TTLL8: variants seen among roughly 807,000 people sequenced by gnomAD.
The protein encoded by TTLL8 is tubulin tyrosine ligase like 8.
Under a neutral mutation model 77.8 loss-of-function variants are expected in TTLL8, and 65 were observed. That is an observed-to-expected ratio of 0.84 (90% CI 0.68 to 1.03). The LOEUF is 1.03. Among genes scored for constraint, TTLL8 ranks in the 50% least tolerant of loss-of-function variants. The pLI is 0.00. For synonymous variants in TTLL8, 402 were observed against 422.8 expected (o/e 0.95, Z 0.60); for missense variants, 910 against 1,004.5 (o/e 0.91, Z 1.27).
intron 10 of TTLL8, among the ~76,000 whole-genome samples, chr22:50,032,801 G>A (rs1340099285): frequency 1.3e-5 from 2 of 152,168 alleles, no homozygotes; most frequent in Non-Finnish European, 2.9e-5. Flanking sequence ...GCGGGGACCC[G>A]GGTGAGGTGG....
intron 3 of TTLL8, among the ~76,000 whole-genome samples, chr22:50,048,873 G>A (rs1569233347): frequency 6.6e-6 from 1 of 152,204 alleles, no homozygotes; most frequent in Non-Finnish European, 1.5e-5. Context: ...ATACTACTGT[G>A]TTGCTGGAGA....
chr22:50,056,127 A>T (rs2146706291), upstream of TTLL8, among the ~76,000 whole-genome samples: 1 of 152,360 alleles, frequency 6.6e-6, no homozygotes, highest in Admixed American at 6.5e-5. This position sits in a 1 kb window ranked among gnomAD's most constrained non-coding sequence, Gnocchi z 4.1. Flanking sequence ...AGTTCTGATT[A>T]TCAAAAGGAA....
exon 10 of TTLL8, chr22:50,033,399 A>G (rs1409524637): frequency 7.3e-7 from 1 of 1,365,196 alleles, no homozygotes; most frequent in Non-Finnish European, 9.8e-7. Context: ...GGTGGTCTGC[A>G]GCTGCCAGCT....
chr22:50,055,932 A>G (rs1184313945), upstream of TTLL8, among the ~76,000 whole-genome samples: 1 of 152,176 alleles, frequency 6.6e-6, no homozygotes, highest in African/African-American at 2.4e-5. Context: ...AAGTCACAGG[A>G]TGAGATAGGA....
intron 4 of TTLL8, among the ~76,000 whole-genome samples, chr22:50,046,353 G>A (rs149535814): frequency 1.2e-4 from 18 of 152,326 alleles, no homozygotes; most frequent in Non-Finnish European, 1.9e-4. Context: ...GCGGCTGCAG[G>A]GCCCGGAACG....
At chr22:50,027,596 G>C in intron 12 of TTLL8, 2 of 978,074 alleles carry the variant, frequency 2.0e-6, no homozygotes, top group Middle Eastern at 5.3e-4. Context: ...GGTGATCCCA[G>C]TCAAAGTCCC....
chr22:50,052,682 A>T (rs1051313771), intron 1 of TTLL8, among the ~76,000 whole-genome samples: 2 of 152,264 alleles, frequency 1.3e-5, no homozygotes, highest in Admixed American at 6.5e-5. Flanking sequence ...ACTAAGGTAA[A>T]GAAAACCATT....
Position 50,050,021 on chromosome 22 carries a change from A to G in TTLL8, c.190+88T>C, listed in dbSNP as rs966022671. ...ATCACGCACACCAGGGCCGAGGGGC[A>G]GGCACCACACTCAGGCCGGCGCCGA... On this transcript the variant is annotated intron_variant, in intron 2 of 13. Transcript: ENST00000266182. The G allele has an allele frequency of 1.1e-5, 14 of 1,288,488 alleles. No individual in the cohort carries two copies. In the Admixed American group the frequency reaches 1.7e-4, roughly 15 times the overall value. The allele number at this position is 1,288,488 out of a possible 1,614,324, so 79.8% of individuals were successfully genotyped here.
chr22:50,055,206 T>A (rs2146704732), upstream of TTLL8: 6 of 1,283,620 alleles, frequency 4.7e-6, no homozygotes, highest in Non-Finnish European at 6.1e-6. Context: ...AGTGTCCCCC[T>A]CCCCACCGAG....
intron 6 of TTLL8, 154 bp downstream of exon 8, chr22:50,045,101 G>T: frequency 1.4e-6 from 1 of 708,158 alleles, no homozygotes; most frequent in Non-Finnish European, 1.7e-6. Flanking sequence ...CAGAAAACCC[G>T]TCTGCCATGA....
At chr22:50,055,040 A>G, upstream of TTLL8, 1 of 696,944 alleles carries the variant, frequency 1.4e-6, no homozygotes, top group Non-Finnish European at 1.8e-6. Flanking sequence ...AGCCTGGGCA[A>G]CAAAGCAAGA....
Position 50,041,841 on chromosome 22 carries a change from C to T in TTLL8, c.644-34G>A. 7.5e-7 allele frequency: 1 copy of T among 1,339,784 alleles called. No homozygotes were observed. Among genetic ancestry groups the T allele is most frequent in the Non-Finnish European group, 9.9e-7 (1 of 1,011,456 alleles). 83.0% of individuals were successfully genotyped at this position (1,339,784 alleles called of 1,614,324 possible). On this transcript the variant is annotated intron_variant, in intron 6 of 13. Transcript: ENST00000266182. The surrounding 1 kb of genome is among the most constrained non-coding windows in gnomAD (Gnocchi z 4.3). ...CAGACACAGGCACATGCAGTGGGAA[C>T]CTCACCCAGGGGCAGCCCTGCCCGC...
intron 1 of TTLL8, among the ~76,000 whole-genome samples, chr22:50,050,566 C>T (rs8143094): frequency 6.6e-6 from 1 of 151,934 alleles, no homozygotes; most frequent in Non-Finnish European, 1.5e-5. Context: ...CCTCCTCCCC[C>T]ACCTTGCCTA....
intron 1 of TTLL8, among the ~76,000 whole-genome samples, chr22:50,053,781 T>A (rs999164220): frequency 3.9e-5 from 6 of 152,202 alleles, no homozygotes; most frequent in Admixed American, 1.3e-4. Context: ...ATGGTCTTTA[T>A]GAAGATTGCT....
In TTLL8 at chr22:50,049,217, G is replaced by A. The variant is rs375337143; in HGVS notation, c.264+32C>T. ...CGGTGTGAGAAGCTTTGGAGAGGCC[G>A]CAGCTGACCATGACGCATGCAGGGG... On this transcript the variant is annotated intron_variant, in intron 3 of 13. Coordinates refer to ENST00000266182, the Ensembl canonical transcript of TTLL8. The A allele has an allele frequency of 1.3e-5, 18 of 1,367,240 alleles. No homozygotes were observed. The African/African-American group carries it at 1.3e-4, about 10-fold the overall frequency. 84.7% of individuals were successfully genotyped at this position (1,367,240 alleles called of 1,614,324 possible). A position where few individuals can be genotyped will look rare whatever the true frequency, so the allele number is the denominator to read the frequency against.
rs1034053335 is a variant in TTLL8, at chr22:50,034,551, C to T, written c.922-89G>A. 2 of 1,248,804 alleles carry T rather than the reference C, an allele frequency of 1.6e-6. No individual in the cohort carries two copies. The highest frequency in any genetic ancestry group is 4.7e-5 in the Admixed American group (2 of 42,284). 77.4% of individuals were successfully genotyped at this position (1,248,804 alleles called of 1,614,324 possible). A position where few individuals can be genotyped will look rare whatever the true frequency, so the allele number is the denominator to read the frequency against. On this transcript the variant is annotated intron_variant, in intron 8 of 13. Coordinates refer to ENST00000266182, the Ensembl canonical transcript of TTLL8. This position sits in a 1 kb window ranked among gnomAD's most constrained non-coding sequence, Gnocchi z 4.1. Reference sequence around the variant, plus strand: ...AGTGCATGAGACTTGGAGGCCTGGGCCCCGCCTCACCCACCAAGCAGGCGC... The same window carrying T: ...AGTGCATGAGACTTGGAGGCCTGGGTCCCGCCTCACCCACCAAGCAGGCGC...
At chr22:50,050,848 G>A (rs1037730377) in intron 1 of TTLL8, among the ~76,000 whole-genome samples, 2 of 152,114 alleles carry the variant, frequency 1.3e-5, no homozygotes, top group African/African-American at 2.4e-5. Context: ...ACCCTTTCAC[G>A]TGGACCCCTT....
chr22:50,022,644 C>T (rs2061211546), intron 12 of TTLL8, among the ~76,000 whole-genome samples: 1 of 152,262 alleles, frequency 6.6e-6, no homozygotes, highest in African/African-American at 2.4e-5. Context: ...ACGTGCACTC[C>T]TCCATCTGAC....
At chr22:50,030,784 G>T in exon 12 of TTLL8, 1 of 1,348,502 alleles carries the variant, frequency 7.4e-7, no homozygotes, top group Non-Finnish European at 9.9e-7. Flanking sequence ...GAGGGGCCCC[G>T]TGCCTTCAGC....
Sources: gnomAD v4.1 joint callset for allele counts (sites outside exome capture counted in the v4.1 genomes callset) on GRCh38, gnomAD v4.1.1 for gene constraint, Gnocchi (gnomAD v3.1) non-coding constraint, MANE v1.5 for transcripts, NCBI Gene and HGNC (gene_info 2026-07-23, HGNC 2026-07-21) for gene names.